The following APBB2 variants were observed in gnomAD, a reference collection of about 807,000 sequenced individuals.
The protein encoded by APBB2 is amyloid beta precursor protein binding family B member 2, also known as Fe65-like 1.
APBB2 carries 38 observed loss-of-function variants against 82.5 expected under a neutral mutation model. That is an observed-to-expected ratio of 0.46 (90% CI 0.36 to 0.60). The LOEUF (loss-of-function observed/expected upper bound fraction) is 0.60, where lower values mean the gene tolerates loss of function less well. APBB2 is among the 20% of genes least tolerant of loss of function. APBB2 has a pLI of 0.00. For missense variants in APBB2, 772 were observed against 972.3 expected (o/e 0.79, Z 2.74); for synonymous variants, 341 against 368.2 (o/e 0.93, Z 0.85).
At chr4:41,095,039 AAGG>A (rs1303291850) in intron 3 of APBB2, among the ~76,000 whole-genome samples, 3 of 152,260 alleles carry the variant, frequency 2.0e-5, no homozygotes, top group Admixed American at 6.5e-5. Context: ...CACAGGATGC[AAGG>A]AGGATATTAA....
At chr4:41,034,618 C>A (rs575248157) in intron 4 of APBB2, among the ~76,000 whole-genome samples, 1 of 152,256 alleles carries the variant, frequency 6.6e-6, no homozygotes, top group South Asian at 2.1e-4. Flanking sequence ...AGTCACGACA[C>A]CTGGCCAAAA....
intron 12 of APBB2, among the ~76,000 whole-genome samples, chr4:40,836,702 G>C (rs181766531): frequency 6.6e-6 from 1 of 152,296 alleles, no homozygotes; most frequent in Admixed American, 6.5e-5. Context: ...AGAACAGTGG[G>C]AGACAGGCCA....
chr4:40,983,444 C>A (rs12650457), intron 6 of APBB2, among the ~76,000 whole-genome samples: 1 of 152,270 alleles, frequency 6.6e-6, no homozygotes, highest in Middle Eastern at 3.4e-3. Context: ...AGATATTTCA[C>A]AGAAATTCTC....
intron 1 of APBB2, among the ~76,000 whole-genome samples, chr4:41,182,757 A>G (rs1043182487): frequency 2.0e-5 from 3 of 152,140 alleles, no homozygotes; most frequent in African/African-American, 7.2e-5. Context: ...CAGGAAGGAG[A>G]AGTGCCAAGC....
intron 5 of APBB2, among the ~76,000 whole-genome samples, chr4:41,021,889 A>AG (rs1711667568): frequency 6.6e-6 from 1 of 152,200 alleles, no homozygotes; most frequent in Admixed American, 6.5e-5. Flanking sequence ...ACCCACTGGC[A>AG]GGAACAAACA....
intron 12 of APBB2, among the ~76,000 whole-genome samples, chr4:40,836,053 A>G (rs1232278758): frequency 6.6e-6 from 1 of 152,132 alleles, no homozygotes; most frequent in African/African-American, 2.4e-5. Context: ...GTGCTTGAGG[A>G]GCACCAGGTG....
intron 5 of APBB2, among the ~76,000 whole-genome samples, chr4:41,026,556 G>A (rs767898507): frequency 6.6e-5 from 10 of 152,166 alleles, no homozygotes; most frequent in Non-Finnish European, 1.3e-4. Flanking sequence ...ACTTGGTGAT[G>A]ATAGACATTT....
chr4:40,853,269 G>T (rs554175822), intron 12 of APBB2, among the ~76,000 whole-genome samples: 1 of 152,134 alleles, frequency 6.6e-6, no homozygotes, highest in East Asian at 1.9e-4. Context: ...AGATCTTTCT[G>T]TATGAAATAA....
chr4:40,903,058 A>T (rs1775761562), intron 10 of APBB2, among the ~76,000 whole-genome samples: 1 of 152,158 alleles, frequency 6.6e-6, no homozygotes, highest in Admixed American at 6.5e-5. Flanking sequence ...TGGGAGGATC[A>T]CTTGAGCTCA....
intron 12 of APBB2, among the ~76,000 whole-genome samples, chr4:40,876,781 G>C (rs1189588655): frequency 6.6e-6 from 1 of 152,044 alleles, no homozygotes; most frequent in Non-Finnish European, 1.5e-5. Flanking sequence ...TTGGTTGAAT[G>C]TGTCGATGTA....
chr4:41,096,129 C>T (rs1221783100), intron 3 of APBB2, among the ~76,000 whole-genome samples: 1 of 152,202 alleles, frequency 6.6e-6, no homozygotes, highest in Admixed American at 6.5e-5. Flanking sequence ...TCCAGCTCTT[C>T]AATGCAGTGA....
chr4:40,933,767 C>A (rs188267901), intron 10 of APBB2, among the ~76,000 whole-genome samples: 24 of 152,304 alleles, frequency 1.6e-4, no homozygotes, highest in Non-Finnish European at 3.1e-4. Flanking sequence ...CAAAGCCCAG[C>A]CCTCTCATGG....
chr4:41,033,484 AT>A (rs1171329428), intron 4 of APBB2, among the ~76,000 whole-genome samples, 180 bp from the exon 5 acceptor site: 1 of 151,998 alleles, frequency 6.6e-6, no homozygotes, highest in Admixed American at 6.6e-5. Flanking sequence ...TGAAACTTGA[AT>A]TCCTACTTTG....
At chr4:41,160,970 A>G (rs1283633468) in intron 1 of APBB2, among the ~76,000 whole-genome samples, 1 of 152,128 alleles carries the variant, frequency 6.6e-6, no homozygotes, top group African/African-American at 2.4e-5. Flanking sequence ...TCCAAGTGAC[A>G]CAGCTTGTGG....
At chr4:41,070,387 C>T (rs1418576920) in intron 3 of APBB2, among the ~76,000 whole-genome samples, 1 of 151,352 alleles carries the variant, frequency 6.6e-6, no homozygotes, top group African/African-American at 2.4e-5. Context: ...TCGGCTCACT[C>T]CAGTCTCCGC....
chr4:40,921,494 C>T (rs765889732), intron 10 of APBB2, among the ~76,000 whole-genome samples: 10 of 152,342 alleles, frequency 6.6e-5, no homozygotes, highest in Middle Eastern at 3.4e-3. Flanking sequence ...TCCATCCATC[C>T]TCTACTCTTG....
intron 2 of APBB2, among the ~76,000 whole-genome samples, chr4:41,132,307 A>G (rs1422434394): frequency 1.3e-5 from 2 of 152,246 alleles, no homozygotes; most frequent in African/African-American, 4.8e-5. Flanking sequence ...TATTGCTACC[A>G]GAAGAGTTTA....
intron 2 of APBB2, among the ~76,000 whole-genome samples, chr4:41,107,804 T>C (rs1580098280): frequency 6.6e-6 from 1 of 152,316 alleles, no homozygotes; most frequent in Non-Finnish European, 1.5e-5. Context: ...CAAAGGTATC[T>C]TTCAAGACAC....
chr4:40,963,149 C>T (rs1056202345), intron 6 of APBB2, among the ~76,000 whole-genome samples: 2 of 152,146 alleles, frequency 1.3e-5, no homozygotes, highest in South Asian at 2.1e-4. Context: ...TGGTAGTTAG[C>T]GTCCATTTGT....
Sources: gnomAD v4.1 joint callset for allele counts (sites outside exome capture counted in the v4.1 genomes callset) on GRCh38, gnomAD v4.1.1 for gene constraint, MANE v1.5 for transcripts, NCBI Gene and HGNC (gene_info 2026-07-23, HGNC 2026-07-21) for gene names.